ROPN1B: variants seen among roughly 807,000 people sequenced by gnomAD.
ROPN1B encodes the protein rhophilin associated tail protein 1B.
In ROPN1B, 13 loss-of-function variants were observed where a neutral mutation model predicts 23.7. That is an observed-to-expected ratio of 0.55 (90% CI 0.36 to 0.87). ROPN1B has a LOEUF of 0.87. Ranked by LOEUF, ROPN1B falls within the 40% of genes least tolerant of loss-of-function variation. The pLI is 0.01. For synonymous variants in ROPN1B, 67 were observed against 100.4 expected (o/e 0.67, Z 1.99); for missense variants, 183 against 249.2 (o/e 0.73, Z 1.79).
Position 125,972,177 on chromosome 3 carries a change from GCT to G in ROPN1B, c.116+9_116+10del, listed in dbSNP as rs530628677. 2.6e-3 allele frequency: 4,131 copies of G among 1,614,096 alleles called. 12 individuals carry two copies. Among genetic ancestry groups the G allele is most frequent in the Non-Finnish European group, 3.1e-3 (3,713 of 1,179,924 alleles). ...TCATCCAGTGGGGGGCCGAGTACGT[GCT>G]CCTTTCTCGCCTTCATCTCTTGGAG... On this transcript the variant is annotated splice_region_variant and intron_variant, in intron 3 of 6. Coordinates refer to ENST00000514116, the MANE Select transcript of ROPN1B (RefSeq NM_001308313.2).
intron 4 of ROPN1B, 87 bp from the exon 5 acceptor site, chr3:125,976,917 G>A (rs1938435291): frequency 1.4e-6 from 1 of 705,508 alleles, no homozygotes; most frequent in Non-Finnish European, 2.6e-6. Context: ...GGGAGATGTG[G>A]ACCTGGCCTG....
chr3:125,983,157 ACAG>A, intron 6 of ROPN1B, 94 bp from the exon 7 acceptor site: 1 of 878,220 alleles, frequency 1.1e-6, no homozygotes, highest in Non-Finnish European at 1.9e-6. Context: ...AAAAGGAGCA[ACAG>A]CAGAATTAAT....
intron 6 of ROPN1B, among the ~76,000 whole-genome samples, chr3:125,982,671 G>C (rs898802599): frequency 4.6e-5 from 7 of 152,202 alleles, no homozygotes; most frequent in Non-Finnish European, 7.3e-5. Context: ...AGCGGCAGCG[G>C]CACCTGAGAA....
intron 5 of ROPN1B, among the ~76,000 whole-genome samples, chr3:125,979,224 C>G (rs1938525614): frequency 6.6e-6 from 1 of 152,132 alleles, no homozygotes; most frequent in African/African-American, 2.4e-5. Context: ...GAGGTTAAGT[C>G]TGTAAATAAG....
chr3:125,976,711 T>C (rs1938427214), intron 4 of ROPN1B: 1 of 584,512 alleles, frequency 1.7e-6, no homozygotes, highest in Non-Finnish European at 3.1e-6. Context: ...AATTTAGGAA[T>C]ACAATAGCAG....
intron 5 of ROPN1B, among the ~76,000 whole-genome samples, chr3:125,978,855 G>C (rs1407313990): frequency 6.6e-6 from 1 of 152,100 alleles, no homozygotes; most frequent in Non-Finnish European, 1.5e-5. Context: ...CCATACCTCA[G>C]AGTAACAAAG....
At position 125,974,454 on chromosome 3, in the gene ROPN1B, G is replaced by A. The variant is rs1239293899; in HGVS notation, c.117-1109G>A. On this transcript the variant is annotated intron_variant, in intron 3 of 6. Transcript: ENST00000514116. The stretch of plus-strand genomic sequence containing the variant: ...CATCATTGTATGGCTTGACCCTAAA[G>A]TGGGCTTTTACAAAATTCCCTCTAT... Among the ~76,000 whole-genome samples, 108 of 152,282 alleles carry A rather than the reference G, an allele frequency of 7.1e-4. 1 individual carries two copies. Among genetic ancestry groups the A allele is most frequent in the Non-Finnish European group, 1.4e-3 (92 of 68,012 alleles).
At chr3:125,974,456 G>T (rs971998379) in intron 3 of ROPN1B, among the ~76,000 whole-genome samples, 2 of 152,130 alleles carry the variant, frequency 1.3e-5, no homozygotes, top group Admixed American at 1.3e-4. Context: ...ACCCTAAAGT[G>T]GGCTTTTACA....
rs1938186466 is a variant in ROPN1B, at chr3:125,971,113, C to T, written c.-58-4C>T. 1 of 153,464 alleles carries T rather than the reference C, an allele frequency of 6.5e-6. No homozygotes were observed. Among genetic ancestry groups the T allele is most frequent in the Non-Finnish European group, 1.5e-5 (1 of 68,090 alleles). The allele number at this position is 153,464 out of a possible 1,614,324, so 9.5% of individuals were successfully genotyped here. On this transcript the variant is annotated splice_region_variant and splice_polypyrimidine_tract_variant and intron_variant, in intron 1 of 6. Transcript: ENST00000514116. ...AATCCTTGGTCTCTATCCACCCTGCCTAGCAATTTATCTCAAAGCTTCAAG... is the reference window on the plus strand; with the variant it reads ...AATCCTTGGTCTCTATCCACCCTGCTTAGCAATTTATCTCAAAGCTTCAAG...
chr3:125,975,667 T>G lies in ROPN1B; in HGVS notation c.221T>G (p.Ile74Ser). 6.2e-7 allele frequency: 1 copy of G among 1,613,412 alleles called. No homozygotes were observed. Among genetic ancestry groups the G allele is most frequent in the Non-Finnish European group, 8.5e-7 (1 of 1,179,642 alleles). Residue 74 changes from isoleucine to serine, a missense_variant, in exon 4 of 7, where the codon ATC (isoleucine) becomes AGC (serine). This residue lies in a region of ROPN1B where 97 missense variants were observed against 99.6 expected (regional missense o/e 0.97). Transcript: ENST00000514116. ...WAELTPELLK[I>S]LHSQVAGRLI... is the part of the protein sequence containing the mutation. Reference sequence around the variant, plus strand: ...GAGCTAACACCTGAGCTGTTAAAGATCCTGCATTCTCAGGTAAGGGCCCTG... The same window carrying G: ...GAGCTAACACCTGAGCTGTTAAAGAGCCTGCATTCTCAGGTAAGGGCCCTG...
chr3:125,974,135 C>T lies in ROPN1B; in HGVS notation c.117-1428C>T, dbSNP rs373683035. 4.4e-4 allele frequency among the ~76,000 whole-genome samples: 67 copies of T among 152,166 alleles called. 1 individual carries two copies. Among genetic ancestry groups the T allele is most frequent in the South Asian group, 6.2e-4 (3 of 4,824 alleles). On this transcript the variant is annotated intron_variant, in intron 3 of 6. Transcript: ENST00000514116. ...TGTTGCTGCTGAGTGTTACTCTACC[C>T]GGGCAGCACTTCTGTGGAATGAGGT... is the stretch of plus-strand genomic sequence containing the variant.
chr3:125,971,919 G>C (rs1284073650), intron 2 of ROPN1B, 124 bp from the exon 3 acceptor site: 2 of 731,700 alleles, frequency 2.7e-6, no homozygotes, highest in Non-Finnish European at 2.1e-6. Flanking sequence ...ACAATAGAAT[G>C]CATTTGTCTT....
chr3:125,975,717 G>C, intron 4 of ROPN1B, 37 bp downstream of exon 4: 2 of 1,569,364 alleles, frequency 1.3e-6, no homozygotes, highest in Non-Finnish European at 1.7e-6. Flanking sequence ...AGAATGTAGG[G>C]ACAGTGTTGA....
rs201333048 is a variant in ROPN1B at position 125,972,085 on chromosome 3, C to T, written c.31C>T (p.Pro11Ser). MAQTDKPTCI[P>S]PELPKMLKEF... ...TCAGACAGATAAGCCAACATGCATCCCGCCGGAGCTGCCGAAAATGCTGAA... is the reference window on the plus strand; with the variant it reads ...TCAGACAGATAAGCCAACATGCATCTCGCCGGAGCTGCCGAAAATGCTGAA... The change falls in exon 3 of 7, where the codon CCG becomes TCG. Residue 11 changes from proline (P) to serine (S), a missense_variant. Physicochemically the swap from Pro to Ser is moderately conservative, Grantham distance 74. Around this residue, in one of 3 missense-constraint regions of ROPN1B, gnomAD observed 97 missense variants for 99.6 expected, o/e 0.97. Coordinates refer to ENST00000514116, the MANE Select transcript of ROPN1B (RefSeq NM_001308313.2). The T allele has an allele frequency of 1.7e-5, 28 of 1,614,192 alleles. No homozygotes were observed. The highest frequency in any genetic ancestry group is 1.7e-4 in the African/African-American group (13 of 75,048).
At chr3:125,975,457 T>C in intron 3 of ROPN1B, 106 bp from the exon 4 acceptor site, 1 of 1,189,906 alleles carries the variant, frequency 8.4e-7, no homozygotes, top group South Asian at 1.7e-5. Flanking sequence ...TTACAAAGGT[T>C]CCTTTCTCTA....
At chr3:125,982,508 G>GA (rs914549531) in intron 6 of ROPN1B, 63 bp downstream of exon 6, 1 of 1,376,292 alleles carries the variant, frequency 7.3e-7, no homozygotes, top group Non-Finnish European at 9.9e-7. Context: ...ATGGGGCCAA[G>GA]ACAGAGTGAG....
chr3:125,982,668 G>C (rs1938649280), intron 6 of ROPN1B, among the ~76,000 whole-genome samples: 1 of 152,206 alleles, frequency 6.6e-6, no homozygotes, highest in South Asian at 2.1e-4. Context: ...AGTAGCGGCA[G>C]CGGCACCTGA....
intron 4 of ROPN1B, chr3:125,976,761 A>C: frequency 1.4e-6 from 1 of 707,052 alleles, no homozygotes; most frequent in Non-Finnish European, 2.6e-6. Context: ...ATATAAATGT[A>C]TATCTTTTGC....
chr3:125,983,370 C>A lies in ROPN1B; in HGVS notation c.*50C>A. 3 of 1,313,088 alleles carry A rather than the reference C, an allele frequency of 2.3e-6. No homozygotes were observed. Among genetic ancestry groups the A allele is most frequent in the Non-Finnish European group, 3.3e-6 (3 of 906,394 alleles). The allele number at this position is 1,313,088 out of a possible 1,614,324, so 81.3% of individuals were successfully genotyped here. A position where few individuals can be genotyped will look rare whatever the true frequency, so the allele number is the denominator to read the frequency against. ...GGAAGATACAGAGGTGATTGTACTT[C>A]AGAATGATAAACCCATATACCACCT... On this transcript the variant is annotated 3_prime_UTR_variant, in exon 7 of 7. Transcript: ENST00000514116.
Sources: gnomAD v4.1 joint callset for allele counts (sites outside exome capture counted in the v4.1 genomes callset) on GRCh38, gnomAD v4.1.1 for gene constraint, gnomAD v4.1.1 regional missense constraint, MANE v1.5 for transcripts, NCBI Gene and HGNC (gene_info 2026-07-23, HGNC 2026-07-21) for gene names.